LRRC49: variants seen among roughly 807,000 people sequenced by gnomAD.
The protein encoded by LRRC49 is leucine rich repeat containing 49.
In LRRC49, 50 loss-of-function variants were observed where a neutral mutation model predicts 83.3. The ratio of observed to expected loss-of-function variants is 0.60; its 90% CI spans 0.48 to 0.76. The LOEUF is 0.76. LRRC49 is among the 30% of genes least tolerant of loss of function. LRRC49 has a pLI of 0.00. For synonymous variants in LRRC49, 286 were observed against 283.3 expected (o/e 1.01, Z -0.10); for missense variants, 704 against 809.1 (o/e 0.87, Z 1.58).
intron 2 of LRRC49, among the ~76,000 whole-genome samples, chr15:70,895,089 A>G (rs142074791): frequency 1.2e-3 from 187 of 152,314 alleles, no homozygotes; most frequent in African/African-American, 4.4e-3. Context: ...CCTTTAGGTC[A>G]TATAATTCCT....
chr15:71,028,092 A>G (rs145542368), intron 14 of LRRC49, among the ~76,000 whole-genome samples: 2,201 of 152,238 alleles, frequency 0.014, 49 homozygotes, highest in African/African-American at 0.05. Context: ...TGTCATAAAT[A>G]GCTCTTATTA....
intron 11 of LRRC49, among the ~76,000 whole-genome samples, chr15:70,992,921 C>T (rs1210317903): frequency 1.3e-5 from 2 of 152,182 alleles, no homozygotes; most frequent in Non-Finnish European, 2.9e-5. Context: ...CAGACAGGGA[C>T]ATTTAAGTCT....
rs762914960 is a variant in LRRC49 at position 70,919,139 on chromosome 15, T to C, written c.657T>C (p.Asn219=). The change falls in exon 7 of 16, where the codon AAT becomes AAC. Residue 219 remains asparagine, a synonymous_variant. Coordinates refer to ENST00000260382, the MANE Select transcript of LRRC49 (RefSeq NM_017691.5). The part of the protein sequence containing the change: ...RNFLSHVDNL[N]GLDSLTELNL... ...TTTTAAGTCATGTTGATAATCTTAA[T>C]GGGCTGGATTCACTAACTGAACTTA... 1 of 1,613,122 alleles carries C rather than the reference T, an allele frequency of 6.2e-7. No individual in the cohort carries two copies.
intron 14 of LRRC49, among the ~76,000 whole-genome samples, chr15:71,024,273 G>A (rs2039087235): frequency 6.6e-6 from 1 of 152,210 alleles, no homozygotes; most frequent in African/African-American, 2.4e-5. Flanking sequence ...GCTTCATTAA[G>A]CGGGTGCTGG....
chr15:70,999,437 G>C (rs1440906460), intron 11 of LRRC49, among the ~76,000 whole-genome samples: 1 of 152,090 alleles, frequency 6.6e-6, no homozygotes, highest in African/African-American at 2.4e-5. Context: ...TTAGTGGTCA[G>C]TTAGTGATTT....
upstream of LRRC49, chr15:70,892,793 A>C (rs554953430): frequency 2.0e-5 from 32 of 1,611,960 alleles, no homozygotes; most frequent in African/African-American, 4.0e-4. Flanking sequence ...GGTAACCCTG[A>C]GCAGGTTGCC....
chr15:70,974,055 A>G (rs1269879529), intron 9 of LRRC49, among the ~76,000 whole-genome samples: 1 of 152,106 alleles, frequency 6.6e-6, no homozygotes, highest in Non-Finnish European at 1.5e-5. Flanking sequence ...TGAACCAGGG[A>G]GTTGGAGGTT....
intron 3 of LRRC49, among the ~76,000 whole-genome samples, chr15:70,896,674 A>C (rs2033853308): frequency 6.6e-6 from 1 of 152,170 alleles, no homozygotes; most frequent in African/African-American, 2.4e-5. Context: ...ACACTTCTGA[A>C]TCCACATATA....
chr15:70,986,308 A>C (rs1297412845), intron 11 of LRRC49, among the ~76,000 whole-genome samples: 120 of 151,938 alleles, frequency 7.9e-4, no homozygotes, highest in Middle Eastern at 3.4e-3. Context: ...CTTTTATTTC[A>C]TTGAGCAGTG....
intron 1 of LRRC49, among the ~76,000 whole-genome samples, chr15:70,866,046 G>T (rs766825457): frequency 2.6e-5 from 4 of 152,020 alleles, no homozygotes; most frequent in African/African-American, 7.2e-5. Flanking sequence ...CTCCATGAAG[G>T]CAGAGACATG....
At chr15:70,922,949 G>A (rs963022069) in intron 7 of LRRC49, among the ~76,000 whole-genome samples, 8 of 151,968 alleles carry the variant, frequency 5.3e-5, no homozygotes, top group South Asian at 2.1e-4. Context: ...ATCTGTTGCT[G>A]TCTCAAGTTT....
intron 7 of LRRC49, among the ~76,000 whole-genome samples, chr15:70,933,848 G>C (rs942346630): frequency 6.6e-6 from 1 of 152,184 alleles, no homozygotes; most frequent in African/African-American, 2.4e-5. Context: ...GTGAGTCTTG[G>C]ACCATGATGT....
chr15:70,903,825 T>TA (rs1486113571), intron 4 of LRRC49, among the ~76,000 whole-genome samples: 1 of 152,190 alleles, frequency 6.6e-6, no homozygotes, highest in African/African-American at 2.4e-5. Context: ...TGTAGTATGT[T>TA]ACAACATTTT....
chr15:70,935,937 T>C (rs2035579994), intron 7 of LRRC49, among the ~76,000 whole-genome samples: 2 of 152,204 alleles, frequency 1.3e-5, no homozygotes, highest in Admixed American at 1.3e-4. Flanking sequence ...ACTTGGTAAT[T>C]ACCAAGCGTC....
At chr15:70,989,397 T>G (rs1257268533) in intron 11 of LRRC49, among the ~76,000 whole-genome samples, 1 of 152,220 alleles carries the variant, frequency 6.6e-6, no homozygotes, top group Admixed American at 6.5e-5. Flanking sequence ...CTTCCATCAC[T>G]GATATCCTTT....
intron 15 of LRRC49, among the ~76,000 whole-genome samples, chr15:71,047,448 T>C (rs1221287028): frequency 6.6e-6 from 1 of 152,214 alleles, no homozygotes; most frequent in Non-Finnish European, 1.5e-5. Context: ...GTGGCTATTG[T>C]AAGTGGGATT....
At chr15:70,934,735 TG>T (rs1419719400) in intron 7 of LRRC49, among the ~76,000 whole-genome samples, 2 of 152,316 alleles carry the variant, frequency 1.3e-5, no homozygotes, top group East Asian at 3.9e-4. Context: ...AAGGGACAGA[TG>T]TATTTTTTAA....
chr15:70,962,983 C>T (rs1442910949), intron 8 of LRRC49, among the ~76,000 whole-genome samples: 4 of 152,004 alleles, frequency 2.6e-5, no homozygotes, highest in Non-Finnish European at 5.9e-5. Context: ...ATAATATATA[C>T]CACCTGGGCA....
intron 9 of LRRC49, among the ~76,000 whole-genome samples, chr15:70,979,033 T>A (rs962728188): frequency 1.3e-5 from 2 of 152,174 alleles, no homozygotes; most frequent in Admixed American, 1.3e-4. Flanking sequence ...GCTTGTCTTT[T>A]ATGAATAAAT....
Sources: allele counts gnomAD v4.1 joint callset (sites outside exome capture counted in the v4.1 genomes callset), GRCh38; gene constraint gnomAD v4.1.1; transcripts MANE v1.5; gene names NCBI Gene and HGNC (gene_info 2026-07-23, HGNC 2026-07-21).